NLRP14: variants seen among roughly 807,000 people sequenced by gnomAD.
The protein encoded by NLRP14 is NLR family pyrin domain containing 14.
A neutral mutation model predicts 94.7 loss-of-function variants in NLRP14; 105 were observed. That is an observed-to-expected ratio of 1.11 (90% CI 0.95 to 1.30). NLRP14 has a LOEUF of 1.30. NLRP14 is among the 50% of genes most tolerant of loss of function. The probability of loss-of-function intolerance (pLI) is 0.00; values close to 1 mark genes in which losing one functional copy is unlikely to be tolerated. For missense variants in NLRP14, 1,362 were observed against 1,254.1 expected (o/e 1.09, Z -1.30); for synonymous variants, 508 against 459.9 (o/e 1.10, Z -1.34).
intron 10 of NLRP14, among the ~76,000 whole-genome samples, chr11:7,068,816 A>G (rs1565027978): frequency 6.6e-6 from 1 of 151,610 alleles, no homozygotes; most frequent in Non-Finnish European, 1.5e-5. Context: ...ATGTCTGGCT[A>G]TTTTTTTCTT....
rs771089427 is a variant in NLRP14, at chr11:7,049,714, A to G, written c.2167A>G (p.Thr723Ala). 61 of 1,612,538 alleles carry G rather than the reference A, an allele frequency of 3.8e-5. 1 individual carries two copies. In the South Asian group the frequency reaches 6.6e-4, roughly 17 times the overall value. ...CCCTGATGGTTGTCAGGATATCTCT[A>G]CTTCTTTGATTCATAACAAGAATCT... is the stretch of plus-strand genomic sequence containing the variant. ...TFPDGCQDIS[T>A]SLIHNKNLMH... The change falls in exon 6 of 12, where the codon ACT becomes GCT. Residue 723 changes from threonine (T) to alanine (A), a missense_variant. Thr to Ala is a moderately conservative substitution (Grantham distance 58). Transcript: ENST00000299481.
intron 1 of NLRP14, among the ~76,000 whole-genome samples, chr11:7,031,361 G>A (rs1358700699): frequency 1.3e-5 from 2 of 152,200 alleles, no homozygotes; most frequent in Non-Finnish European, 2.9e-5. Context: ...GGCCCAAGAG[G>A]ATGAGCTGCC....
chr11:7,067,185 G>T (rs1045501801), intron 10 of NLRP14, among the ~76,000 whole-genome samples: 1 of 152,044 alleles, frequency 6.6e-6, no homozygotes, highest in East Asian at 1.9e-4. Context: ...GACTATACGG[G>T]CTCTTTTTTG....
chr11:7,060,198 T>A, intron 9 of NLRP14, 134 bp downstream of exon 9: 1 of 815,506 alleles, frequency 1.2e-6, no homozygotes, highest in Non-Finnish European at 2.1e-6. Context: ...CTCTTCTGCC[T>A]GAGACAAGCT....
Position 7,071,367 on chromosome 11 carries a change from T to C in NLRP14, c.*59T>C. 1.4e-6 allele frequency: 2 copies of C among 1,437,880 alleles called. No homozygotes were observed. The highest frequency in any genetic ancestry group is 1.2e-5 in the South Asian group (1 of 83,576). The allele number at this position is 1,437,880 out of a possible 1,614,324, so 89.1% of individuals were successfully genotyped here. A position where few individuals can be genotyped will look rare whatever the true frequency, so the allele number is the denominator to read the frequency against. On this transcript the variant is annotated 3_prime_UTR_variant, in exon 12 of 12. Transcript: ENST00000299481. Reference sequence around the variant, plus strand: ...ATATAAATACATACATACATAGATATATACCCAGACTTGGGTGCTTAGCTT... The same window carrying C: ...ATATAAATACATACATACATAGATACATACCCAGACTTGGGTGCTTAGCTT...
intron 1 of NLRP14, among the ~76,000 whole-genome samples, chr11:7,031,206 C>G (rs913744531): frequency 6.6e-5 from 10 of 152,198 alleles, no homozygotes; most frequent in African/African-American, 2.4e-4. Context: ...CCTTTGCCAC[C>G]GACGCCTGGT....
Position 7,062,502 on chromosome 11 carries a change from G to A in NLRP14, c.2974G>A (p.Gly992Arg), listed in dbSNP as rs760582180. The A allele has an allele frequency of 1.7e-5, 28 of 1,612,332 alleles. 1 individual carries two copies. The highest frequency in any genetic ancestry group is 1.5e-4 in the Admixed American group (9 of 59,882). ...RYPNCNIQRL[G>R]LEYCGLTSLC... is the part of the protein sequence containing the mutation. ...TCCAAACTGTAACATTCAGAGGCTC[G>A]GGTGAGTTCATAGTTTTCCATTAGG... Residue 992 changes from glycine to arginine, a missense_variant and splice_region_variant, in exon 10 of 12, where the codon GGG (glycine) becomes AGG (arginine). Transcript: ENST00000299481.
chr11:7,045,727 C>A (rs1183349276), intron 4 of NLRP14, among the ~76,000 whole-genome samples: 1 of 151,640 alleles, frequency 6.6e-6, no homozygotes, highest in Admixed American at 6.6e-5. Flanking sequence ...TAGACTTTTA[C>A]ATGTTTTGTA....
At chr11:7,053,672 G>A (rs1246597180) in intron 6 of NLRP14, among the ~76,000 whole-genome samples, 2 of 151,196 alleles carry the variant, frequency 1.3e-5, no homozygotes, top group African/African-American at 4.8e-5. Flanking sequence ...CAATTTTTTA[G>A]GTACATAGTA....
chr11:7,062,912 T>G (rs1318086945), intron 10 of NLRP14, among the ~76,000 whole-genome samples: 3 of 152,140 alleles, frequency 2.0e-5, no homozygotes, highest in Non-Finnish European at 4.4e-5. Flanking sequence ...TTGTGGACAT[T>G]TCTTACGTTC....
intron 6 of NLRP14, among the ~76,000 whole-genome samples, chr11:7,052,980 C>A (rs972939559): frequency 4.6e-5 from 7 of 152,086 alleles, no homozygotes; most frequent in Non-Finnish European, 8.8e-5. Context: ...CATTAATAAA[C>A]CATGATATAT....
chr11:7,081,193 G>T, the NLRP14 span, among the ~76,000 whole-genome samples: 3 of 152,026 alleles, frequency 2.0e-5, no homozygotes, highest in Non-Finnish European at 2.9e-5. Flanking sequence ...GATTTAGGTG[G>T]TTTTTTTTAT....
At chr11:7,031,775 GAAAC>G (rs1172329122) in intron 1 of NLRP14, among the ~76,000 whole-genome samples, 3 of 152,108 alleles carry the variant, frequency 2.0e-5, no homozygotes, top group African/African-American at 7.2e-5. Flanking sequence ...TACTGAAAAC[GAAAC>G]AAACCGCCTG....
intron 1 of NLRP14, among the ~76,000 whole-genome samples, chr11:7,037,515 T>G (rs914923838): frequency 2.0e-5 from 3 of 152,200 alleles, no homozygotes; most frequent in Non-Finnish European, 4.4e-5. Flanking sequence ...GCTGCATCAC[T>G]TACTAGCTCT....
chr11:7,043,073 C>T lies in NLRP14; in HGVS notation c.1047C>T (p.Ala349=). The T allele has an allele frequency of 6.2e-7, 1 of 1,614,002 alleles. No individual in the cohort carries two copies. Among genetic ancestry groups the T allele is most frequent in the Non-Finnish European group, 8.5e-7 (1 of 1,179,988 alleles). ...AGTTTTTTGAAGATAAGAGGTGGGC[C>T]ATGAAAGTATTCAGTTCACTAAAAA... is the stretch of plus-strand genomic sequence containing the variant. The part of the protein sequence containing the change: ...IYQFFEDKRW[A]MKVFSSLKSN... The change falls in exon 4 of 12, where the codon GCC becomes GCT. Residue 349 remains alanine, a synonymous_variant. Transcript: ENST00000299481.
the NLRP14 span, among the ~76,000 whole-genome samples, chr11:7,077,183 C>T: frequency 1.3e-5 from 2 of 152,234 alleles, no homozygotes; most frequent in Non-Finnish European, 2.9e-5. Context: ...TTCCGCTCCT[C>T]CTCCTGTGTC....
chr11:7,042,387 G>A lies in NLRP14; in HGVS notation c.362-1G>A, dbSNP rs1852266062. The A allele has an allele frequency of 6.2e-7, 1 of 1,612,712 alleles. No homozygotes were observed. Among genetic ancestry groups the A allele is most frequent in the Admixed American group, 1.7e-5 (1 of 59,994 alleles). ...TTTTTACCTTTGCCATTCTGACTTA[G>A]GTGATGGAACAGAATACAGAAATAG... On this transcript the variant is annotated splice_acceptor_variant, in intron 3 of 11. Transcript: ENST00000299481. LOFTEE classifies it high-confidence loss of function.
chr11:7,053,387 A>C (rs777765048), intron 6 of NLRP14, among the ~76,000 whole-genome samples: 25 of 150,872 alleles, frequency 1.7e-4, no homozygotes, highest in Non-Finnish European at 3.4e-4. Context: ...ATCTTGGCTG[A>C]TTCCCAGATT....
In NLRP14 at chr11:7,039,696, T is replaced by TAA; in HGVS notation, c.290-17_290-16insAA. The stretch of plus-strand genomic sequence containing the variant: ...TTGTTTTCATTAAATATCATGATCC[T>TAA]ATCGGAACCTGTTGCAGGGTCGGCC... On this transcript the variant is annotated splice_polypyrimidine_tract_variant and intron_variant, in intron 2 of 11. Coordinates refer to ENST00000299481, the MANE Select transcript of NLRP14 (RefSeq NM_176822.4). The TAA allele has an allele frequency of 6.3e-7, 1 of 1,598,832 alleles. No homozygotes were observed. Among genetic ancestry groups the TAA allele is most frequent in the Non-Finnish European group, 8.6e-7 (1 of 1,165,974 alleles).
Sources: gnomAD v4.1 joint callset for allele counts (sites outside exome capture counted in the v4.1 genomes callset) on GRCh38, gnomAD v4.1.1 for gene constraint, MANE v1.5 for transcripts, NCBI Gene and HGNC (gene_info 2026-07-23, HGNC 2026-07-21) for gene names.